The following NFYC variants were observed in gnomAD, a reference collection of about 807,000 sequenced individuals.
The protein encoded by NFYC is CAAT box DNA-binding protein subunit C.
Under a neutral mutation model 53.1 loss-of-function variants are expected in NFYC, and 25 were observed. The observed-to-expected ratio is 0.47, with a 90% CI of 0.34 to 0.66. NFYC has a LOEUF of 0.66. Among genes scored for constraint, NFYC ranks in the 30% least tolerant of loss-of-function variants. NFYC has a pLI of 0.01. For synonymous variants in NFYC, 145 were observed against 152.6 expected (o/e 0.95, Z 0.37); for missense variants, 260 against 422.7 (o/e 0.62, Z 3.38).
intron 6 of NFYC, among the ~76,000 whole-genome samples, chr1:40,759,846 T>C (rs1173456527): frequency 6.6e-6 from 1 of 152,100 alleles, no homozygotes; most frequent in Non-Finnish European, 1.5e-5. Context: ...GGGGACCATC[T>C]ACGCAAGTTT....
At chr1:40,703,862 C>T (rs1643564324) in intron 1 of NFYC, among the ~76,000 whole-genome samples, 1 of 152,194 alleles carries the variant, frequency 6.6e-6, no homozygotes, top group South Asian at 2.1e-4. Flanking sequence ...AGCCTCAACA[C>T]TCCTGTTAGT....
In NFYC at chr1:40,770,893, G is replaced by A. The variant is rs1448204860; in HGVS notation, c.*65G>A. The A allele has an allele frequency of 2.6e-6, 4 of 1,559,516 alleles. No individual in the cohort carries two copies. In the African/African-American group the frequency reaches 5.4e-5, roughly 21 times the overall value. The stretch of plus-strand genomic sequence containing the variant: ...TTTGCCATACAGCCCCAGGCAATGG[G>A]CACAGCCTTCCTCCCCAGAGGACCC... On this transcript the variant is annotated 3_prime_UTR_variant, in exon 10 of 10. Coordinates refer to ENST00000447388, the MANE Select transcript of NFYC (RefSeq NM_014223.5). The surrounding 1 kb of genome is among the most constrained non-coding windows in gnomAD (Gnocchi z 5.3).
chr1:40,696,750 C>G (rs1643169737), intron 1 of NFYC, among the ~76,000 whole-genome samples: 1 of 152,234 alleles, frequency 6.6e-6, no homozygotes, highest in Non-Finnish European at 1.5e-5. Flanking sequence ...AAGAATATTC[C>G]TTTGCCAGTA....
At chr1:40,730,097 C>G (rs1287360813) in intron 1 of NFYC, among the ~76,000 whole-genome samples, 1 of 152,076 alleles carries the variant, frequency 6.6e-6, no homozygotes, top group Non-Finnish European at 1.5e-5. Flanking sequence ...ATGATCATAG[C>G]TCACTGCTGC....
intron 1 of NFYC, among the ~76,000 whole-genome samples, chr1:40,700,292 A>G (rs1310500731): frequency 6.6e-6 from 1 of 152,198 alleles, no homozygotes; most frequent in Non-Finnish European, 1.5e-5. Context: ...TACATGCCTT[A>G]TTAACCACTG....
At position 40,750,626 on chromosome 1, in the gene NFYC, G is replaced by GAT. The variant is rs1388695201; in HGVS notation, c.291+943_291+944dup. ...CAAAAAATACTGAGCTCCAATAAATGATATGCATGTTGAAGTCACAAAATT... is the reference window on the plus strand; with the variant it reads ...CAAAAAATACTGAGCTCCAATAAATGATATATGCATGTTGAAGTCACAAAATT... On this transcript the variant is annotated intron_variant, in intron 4 of 9. Transcript: ENST00000447388. Among the ~76,000 whole-genome samples, 4 of 152,304 alleles carry GAT rather than the reference G, an allele frequency of 2.6e-5. No homozygotes were observed. In the East Asian group the frequency reaches 7.7e-4, roughly 29 times the overall value.
rs569003123 is a variant in NFYC at position 40,722,930 on chromosome 1, C to G, written c.-8-15906C>G. On this transcript the variant is annotated intron_variant, in intron 1 of 9. Transcript: ENST00000447388. ...AAAAAGAGTGACAGCTTAAACAGTGCAAAAAGTGGGAAAGAGCAAGTTATA... is the reference window on the plus strand; with the variant it reads ...AAAAAGAGTGACAGCTTAAACAGTGGAAAAAGTGGGAAAGAGCAAGTTATA... Among the ~76,000 whole-genome samples the G allele has an allele frequency of 5.3e-5, 8 of 152,204 alleles. No homozygotes were observed. The South Asian group carries it at 1.5e-3, about 28-fold the overall frequency.
At chr1:40,754,579 A>C in intron 5 of NFYC, 1 of 378,026 alleles carries the variant, frequency 2.6e-6, no homozygotes, top group South Asian at 2.0e-5. Context: ...ATCTTCCTTC[A>C]GAACAAAGAG....
intron 7 of NFYC, among the ~76,000 whole-genome samples, chr1:40,764,960 A>G: frequency 6.6e-6 from 1 of 152,200 alleles, no homozygotes; most frequent in Non-Finnish European, 1.5e-5. Flanking sequence ...CTTCCCAGCT[A>G]GAAAATTTTA....
At chr1:40,743,393 G>A (rs1011720737) in intron 2 of NFYC, among the ~76,000 whole-genome samples, 3 of 152,226 alleles carry the variant, frequency 2.0e-5, no homozygotes, top group Non-Finnish European at 4.4e-5. Context: ...AGACTTCTTC[G>A]TGTTGAGTTT....
intron 1 of NFYC, among the ~76,000 whole-genome samples, chr1:40,706,525 G>A (rs1312716721): frequency 6.6e-6 from 1 of 152,004 alleles, no homozygotes; most frequent in African/African-American, 2.4e-5. Flanking sequence ...AAAAGAGCTC[G>A]TCTACCTAGC....
intron 1 of NFYC, among the ~76,000 whole-genome samples, chr1:40,727,782 C>T (rs1321365705): frequency 1.3e-5 from 2 of 151,974 alleles, no homozygotes; most frequent in Non-Finnish European, 1.5e-5. Context: ...TCGCCCGCCT[C>T]GGCCTCCCAA....
chr1:40,708,037 G>C (rs1643804975), intron 1 of NFYC, among the ~76,000 whole-genome samples: 1 of 152,092 alleles, frequency 6.6e-6, no homozygotes, highest in Non-Finnish European at 1.5e-5. Context: ...AATTGTGTCT[G>C]TACGGAACAT....
Position 40,730,696 on chromosome 1 carries a change from G to A in NFYC, c.-8-8140G>A, listed in dbSNP as rs1036837686. On this transcript the variant is annotated intron_variant, in intron 1 of 9. Transcript: ENST00000447388. ...TGGGAACTCAACCCAAAAAGCCTAA[G>A]GGCTGCAAGTCGGTTTGGGGAACAT... is the stretch of plus-strand genomic sequence containing the variant. 1.9e-5 allele frequency: 12 copies of A among 625,982 alleles called. No homozygotes were observed. The African/African-American group carries it at 2.4e-4, about 13-fold the overall frequency. The allele number at this position is 625,982 out of a possible 1,614,324, so 38.8% of individuals were successfully genotyped here.
At chr1:40,768,077 A>C (rs1270744759) in intron 8 of NFYC, among the ~76,000 whole-genome samples, 1 of 152,206 alleles carries the variant, frequency 6.6e-6, no homozygotes, top group Non-Finnish European at 1.5e-5. Context: ...AAGGCAATGA[A>C]AATCTTTGTA....
chr1:40,729,312 T>TG (rs1302175852), intron 1 of NFYC, among the ~76,000 whole-genome samples: 2 of 152,234 alleles, frequency 1.3e-5, no homozygotes, highest in African/African-American at 4.8e-5. Context: ...GGATAAAACT[T>TG]GCTGCAGCTT....
intron 6 of NFYC, among the ~76,000 whole-genome samples, chr1:40,759,053 A>G (rs969290285): frequency 2.0e-5 from 3 of 152,194 alleles, no homozygotes; most frequent in African/African-American, 7.2e-5. Flanking sequence ...GGGAATGTGT[A>G]CAGGGTGTTA....
chr1:40,768,250 T>C (rs1646915766), intron 8 of NFYC, among the ~76,000 whole-genome samples: 1 of 152,258 alleles, frequency 6.6e-6, no homozygotes, highest in Non-Finnish European at 1.5e-5. Flanking sequence ...AACCTTCTTA[T>C]CTATGTGGAA....
intron 1 of NFYC, among the ~76,000 whole-genome samples, chr1:40,702,663 A>T (rs1643496727): frequency 6.6e-6 from 1 of 151,728 alleles, no homozygotes; most frequent in South Asian, 2.1e-4. Flanking sequence ...CTTCTATCAG[A>T]TTATTTTGAA....
Sources: gnomAD v4.1 joint callset for allele counts (sites outside exome capture counted in the v4.1 genomes callset) on GRCh38, gnomAD v4.1.1 for gene constraint, Gnocchi (gnomAD v3.1) non-coding constraint, MANE v1.5 for transcripts, NCBI Gene and HGNC (gene_info 2026-07-23, HGNC 2026-07-21) for gene names.